Variants in GOSR2 observed in about 807,000 individuals in gnomAD.
GOSR2 encodes the protein golgi SNAP receptor complex member 2, also known as 27 kDa Golgi SNARE protein.
A neutral mutation model predicts 27.9 loss-of-function variants in GOSR2; 20 were observed. That is an observed-to-expected ratio of 0.72 (90% CI 0.50 to 1.04). GOSR2 has a LOEUF of 1.04. Ranked by LOEUF, GOSR2 falls within the 50% of genes least tolerant of loss-of-function variation. The pLI, the probability that GOSR2 is intolerant of heterozygous loss-of-function variation, is 0.00. For missense variants in GOSR2, 261 were observed against 270.5 expected (o/e 0.97, Z 0.25); for synonymous variants, 91 against 98.8 (o/e 0.92, Z 0.47).
chr17:46,963,564 G>A (rs576283186), intron 6 of GOSR2: 1 of 149,662 alleles, frequency 6.7e-6, no homozygotes, highest in African/African-American at 2.5e-5. Flanking sequence ...AAAAAAATAG[G>A]CAGATGATAT....
At chr17:46,923,451 C>G in intron 1 of GOSR2, 1 of 1,400,894 alleles carries the variant, frequency 7.1e-7, no homozygotes, top group Non-Finnish European at 9.2e-7. Context: ...CTCCTGGGGT[C>G]TGCAAGTTCG....
At chr17:46,934,197 A>ACTTCCAGCTGTGTGATCACTGGACATG (rs146200690) in intron 4 of GOSR2, among the ~76,000 whole-genome samples, 8,067 of 152,146 alleles carry the variant, frequency 0.053, 488 homozygotes, top group African/African-American at 0.15. Flanking sequence ...CACTGGACAC[A>ACTTCCAGCTGTGTGATCACTGGACATG]CTTCCAGCTG....
intron 1 of GOSR2, 127 bp downstream of exon 1, chr17:46,923,348 G>T (rs2146696858): frequency 6.6e-7 from 1 of 1,519,704 alleles, no homozygotes. Context: ...GCACTGCTGG[G>T]GATGCCTCCG....
intron 6 of GOSR2, among the ~76,000 whole-genome samples, chr17:46,956,340 G>T (rs1269691892): frequency 7.8e-6 from 1 of 128,770 alleles, no homozygotes. Flanking sequence ...GCCCAGGCTG[G>T]AGTGCAATGC....
At chr17:46,928,245 C>T (rs2086790558) in intron 1 of GOSR2, among the ~76,000 whole-genome samples, 1 of 152,114 alleles carries the variant, frequency 6.6e-6, no homozygotes, top group Non-Finnish European at 1.5e-5. Context: ...TGCCCGAGGG[C>T]ATATCTGGAG....
downstream of GOSR2, among the ~76,000 whole-genome samples, chr17:46,968,539 C>T (rs2091359311): frequency 6.6e-6 from 1 of 152,270 alleles, no homozygotes; most frequent in Non-Finnish European, 1.5e-5. Context: ...ATGCCAAGCT[C>T]ATCAATCACC....
downstream of GOSR2, among the ~76,000 whole-genome samples, chr17:46,969,973 T>C (rs966117776): frequency 1.3e-5 from 2 of 152,122 alleles, no homozygotes; most frequent in African/African-American, 4.8e-5. Context: ...ACACAGGCTG[T>C]GCAAGCAGAC....
At chr17:46,949,408 A>G (rs572984756) in intron 6 of GOSR2, 12 of 152,172 alleles carry the variant, frequency 7.9e-5, no homozygotes, top group Non-Finnish European at 1.3e-4. Flanking sequence ...CAAGCCTCGG[A>G]AGTCATAGGG....
At chr17:46,973,474 G>A (rs1314490641) in intron 6 of GOSR2, among the ~76,000 whole-genome samples, 4 of 152,078 alleles carry the variant, frequency 2.6e-5, no homozygotes, top group South Asian at 2.1e-4. Context: ...CTGTTGCTTC[G>A]TTGTTGAAAA....
intron 1 of GOSR2, among the ~76,000 whole-genome samples, chr17:46,928,361 A>G (rs1485435386): frequency 6.6e-6 from 1 of 152,212 alleles, no homozygotes; most frequent in African/African-American, 2.4e-5. Flanking sequence ...CTCACGATGC[A>G]GAATGGTTGC....
chr17:46,974,748 A>AGG (rs576963234), intron 6 of GOSR2, among the ~76,000 whole-genome samples: 44,877 of 147,084 alleles, frequency 0.31, 7,209 homozygotes, highest in Middle Eastern at 0.33. Context: ...AAAAAAAAAA[A>AGG]AGGTCATCTC....
At chr17:46,964,985 A>T (rs2091245379) in intron 6 of GOSR2, 1 of 152,240 alleles carries the variant, frequency 6.6e-6, no homozygotes. Flanking sequence ...TTACCATGGC[A>T]ACCTCATTCC....
At chr17:46,926,910 C>T (rs530042653) in intron 1 of GOSR2, among the ~76,000 whole-genome samples, 44 of 152,334 alleles carry the variant, frequency 2.9e-4, no homozygotes, top group African/African-American at 1.1e-3. Context: ...CAGAACCTCT[C>T]TAGGACACAT....
chr17:46,938,761 G>A lies in GOSR2; in HGVS notation c.*1G>A. On this transcript the variant is annotated 3_prime_UTR_variant, in exon 6 of 6. Coordinates refer to ENST00000640051, the MANE Select transcript of GOSR2 (RefSeq NM_004287.5). ...CCTCGTGGTGCAGTACCTGACATGAGCCAGCCACGCTCAGTGGCTGAACAG... is the reference window on the plus strand; with the variant it reads ...CCTCGTGGTGCAGTACCTGACATGAACCAGCCACGCTCAGTGGCTGAACAG... The A allele has an allele frequency of 5.0e-6, 8 of 1,613,810 alleles. No homozygotes were observed. Among genetic ancestry groups the A allele is most frequent in the Non-Finnish European group, 6.8e-6 (8 of 1,179,908 alleles).
intron 6 of GOSR2, among the ~76,000 whole-genome samples, chr17:46,956,698 G>A (rs1431756029): frequency 6.6e-6 from 1 of 152,162 alleles, no homozygotes; most frequent in Non-Finnish European, 1.5e-5. Flanking sequence ...ACGCTGAGGG[G>A]GCGGCCATGT....
chr17:46,933,370 T>C (rs1429880444), intron 4 of GOSR2: 1 of 152,234 alleles, frequency 6.6e-6, no homozygotes, highest in Non-Finnish European at 1.5e-5. Flanking sequence ...GAAAGATTTG[T>C]ATGTGAATGG....
intron 6 of GOSR2, among the ~76,000 whole-genome samples, chr17:46,949,993 A>C (rs971427428): frequency 6.6e-6 from 1 of 152,236 alleles, no homozygotes; most frequent in Non-Finnish European, 1.5e-5. Flanking sequence ...GCACTTCATA[A>C]ATATTGATTG....
intron 5 of GOSR2, chr17:46,937,423 A>G (rs2088581218): frequency 6.6e-6 from 1 of 152,194 alleles, no homozygotes; most frequent in Admixed American, 6.5e-5. Flanking sequence ...AAAATATTCT[A>G]ATTTTAAGTA....
At chr17:46,959,151 G>A (rs1038297328) in intron 6 of GOSR2, among the ~76,000 whole-genome samples, 3 of 152,174 alleles carry the variant, frequency 2.0e-5, no homozygotes, top group African/African-American at 7.2e-5. Context: ...ATGAGATGGT[G>A]GGAAGTAGGA....
Sources: allele counts gnomAD v4.1 joint callset (sites outside exome capture counted in the v4.1 genomes callset), GRCh38; gene constraint gnomAD v4.1.1; transcripts MANE v1.5; gene names NCBI Gene and HGNC (gene_info 2026-07-23, HGNC 2026-07-21).